Variants in EPHA6 observed in about 807,000 individuals in gnomAD.
EPHA6 encodes the protein EPH receptor A6, also known as ephrin type-A receptor 6.
Under a neutral mutation model 112.0 loss-of-function variants are expected in EPHA6, and 50 were observed. The ratio of observed to expected loss-of-function variants is 0.45; its 90% CI spans 0.36 to 0.56. EPHA6 has a LOEUF of 0.56. Among genes scored for constraint, EPHA6 ranks in the 20% least tolerant of loss-of-function variants. EPHA6 has a pLI of 0.00. For synonymous variants in EPHA6, 529 were observed against 490.7 expected (o/e 1.08, Z -1.03); for missense variants, 1,280 against 1,417.4 (o/e 0.90, Z 1.56).
At chr3:97,187,727 AAGAAAGAAAGAAAG>A (rs2077188508) in intron 3 of EPHA6, among the ~76,000 whole-genome samples, 2 of 150,018 alleles carry the variant, frequency 1.3e-5, no homozygotes, top group African/African-American at 5.0e-5. Context: ...GAAAGAAAGA[AAGAAAGAAAGAAAG>A]AAAGAGGAAA....
At chr3:96,980,986 T>C (rs1404611056) in intron 2 of EPHA6, among the ~76,000 whole-genome samples, 3 of 152,206 alleles carry the variant, frequency 2.0e-5, no homozygotes, top group African/African-American at 7.2e-5. Flanking sequence ...TACAAGCATG[T>C]CATCTGCAAA....
At chr3:97,125,408 A>G (rs1466951632) in intron 3 of EPHA6, among the ~76,000 whole-genome samples, 12 of 152,184 alleles carry the variant, frequency 7.9e-5, no homozygotes, top group Non-Finnish European at 1.5e-4. Flanking sequence ...TAAATATTCT[A>G]CTACCATATG....
At chr3:97,660,463 T>C (rs1442681289) in intron 14 of EPHA6, among the ~76,000 whole-genome samples, 1 of 152,086 alleles carries the variant, frequency 6.6e-6, no homozygotes, top group Non-Finnish European at 1.5e-5. Context: ...CCTCAGTGTA[T>C]GTAGCTTGAA....
At chr3:97,658,976 A>G (rs1255290039) in intron 14 of EPHA6, among the ~76,000 whole-genome samples, 1 of 151,968 alleles carries the variant, frequency 6.6e-6, no homozygotes, top group Non-Finnish European at 1.5e-5. Flanking sequence ...ATTGCCTGAG[A>G]TAGAAAATGT....
chr3:97,052,730 T>C (rs191882111), intron 3 of EPHA6, among the ~76,000 whole-genome samples: 16 of 152,100 alleles, frequency 1.1e-4, no homozygotes, highest in African/African-American at 3.9e-4. Flanking sequence ...TAGGGGATTA[T>C]TGAGGATTTT....
intron 12 of EPHA6, among the ~76,000 whole-genome samples, chr3:97,607,238 G>T (rs926719153): frequency 1.3e-5 from 2 of 149,330 alleles, no homozygotes; most frequent in Non-Finnish European, 3.0e-5. Context: ...TTTAACCAGG[G>T]TATCTATGGA....
intron 2 of EPHA6, among the ~76,000 whole-genome samples, chr3:96,897,361 G>T (rs1052302651): frequency 6.6e-6 from 1 of 152,080 alleles, no homozygotes; most frequent in South Asian, 2.1e-4. Context: ...AGCAAATCTT[G>T]GTAGGTGCTA....
intron 11 of EPHA6, among the ~76,000 whole-genome samples, chr3:97,572,119 G>A (rs528452364): frequency 6.7e-6 from 1 of 149,752 alleles, no homozygotes; most frequent in South Asian, 2.1e-4. Flanking sequence ...ATTAATGCCA[G>A]TGTCAACTAA....
intron 3 of EPHA6, among the ~76,000 whole-genome samples, chr3:97,168,081 A>G (rs1189924707): frequency 6.6e-6 from 1 of 152,088 alleles, no homozygotes; most frequent in Non-Finnish European, 1.5e-5. Flanking sequence ...AAGATTATTA[A>G]TTTCATCCTT....
At chr3:97,681,854 G>A (rs1424558625) in intron 14 of EPHA6, among the ~76,000 whole-genome samples, 1 of 152,098 alleles carries the variant, frequency 6.6e-6, no homozygotes, top group Admixed American at 6.6e-5. Context: ...CTGATTGGGA[G>A]AGGGATGAAG....
chr3:96,866,717 TAGTA>T (rs757439554), intron 1 of EPHA6, 104 bp from the exon 2 acceptor site: 297 of 536,942 alleles, frequency 5.5e-4, no homozygotes, highest in Non-Finnish European at 8.5e-4. Flanking sequence ...CAGTGAATAA[TAGTA>T]AGTGTAATTG....
At chr3:97,012,438 C>T (rs1437164867) in intron 3 of EPHA6, among the ~76,000 whole-genome samples, 1 of 151,150 alleles carries the variant, frequency 6.6e-6, no homozygotes, top group Non-Finnish European at 1.5e-5. Flanking sequence ...ATCCTCCCAT[C>T]TCAGCCTCCA....
intron 12 of EPHA6, among the ~76,000 whole-genome samples, chr3:97,597,354 C>T (rs2093603413): frequency 6.6e-6 from 1 of 152,150 alleles, no homozygotes; most frequent in South Asian, 2.1e-4. Context: ...GACTTCCTGT[C>T]TGCTGCTCTG....
At chr3:96,858,187 A>AT in intron 1 of EPHA6, among the ~76,000 whole-genome samples, 1 of 152,132 alleles carries the variant, frequency 6.6e-6, no homozygotes, top group South Asian at 2.1e-4. Flanking sequence ...CAGCAAGCAA[A>AT]TTTTTTTGTG....
intron 14 of EPHA6, among the ~76,000 whole-genome samples, chr3:97,696,721 A>G (rs1289739461): frequency 6.6e-6 from 1 of 152,168 alleles, no homozygotes; most frequent in Non-Finnish European, 1.5e-5. Flanking sequence ...AGTGTGTACT[A>G]TGGTCCAAGC....
chr3:97,335,793 A>G (rs985884670), intron 5 of EPHA6, among the ~76,000 whole-genome samples: 1 of 152,114 alleles, frequency 6.6e-6, no homozygotes. Flanking sequence ...GAATTTTATT[A>G]TTCCTCACAT....
In EPHA6 at chr3:97,658,226, T is replaced by C. The variant is rs2094148238; in HGVS notation, c.2784+20144T>C. On this transcript the variant is annotated intron_variant, in intron 14 of 17. Transcript: ENST00000389672. ...TGAAGAGTGAGACTATGAGCCCTGA[T>C]TTTTTTCTCTGGTGCTCCTTTTGTT... is the stretch of plus-strand genomic sequence containing the variant. Among the ~76,000 whole-genome samples the C allele has an allele frequency of 4.6e-5, 7 of 151,966 alleles. No homozygotes were observed. In the South Asian group the frequency reaches 1.4e-3, roughly 31 times the overall value.
intron 4 of EPHA6, among the ~76,000 whole-genome samples, chr3:97,235,665 T>G (rs950447496): frequency 9.9e-5 from 15 of 152,122 alleles, no homozygotes; most frequent in African/African-American, 3.6e-4. Flanking sequence ...AATGAAAAAC[T>G]TTGATCATAT....
chr3:96,983,525 T>C (rs923293335), intron 2 of EPHA6, among the ~76,000 whole-genome samples: 1 of 152,182 alleles, frequency 6.6e-6, no homozygotes. Context: ...CTGACAATTA[T>C]GTGTCTTGGA....
Sources: allele counts gnomAD v4.1 joint callset (sites outside exome capture counted in the v4.1 genomes callset), GRCh38; gene constraint gnomAD v4.1.1; transcripts MANE v1.5; gene names NCBI Gene and HGNC (gene_info 2026-07-23, HGNC 2026-07-21).